Variants in KCNH7 observed in about 807,000 individuals in gnomAD.
KCNH7 encodes voltage-gated inwardly rectifying potassium channel KCNH7.
In KCNH7, 49 loss-of-function variants were observed where a neutral mutation model predicts 120.8. The ratio of observed to expected loss-of-function variants is 0.41; its 90% confidence interval spans 0.32 to 0.51. The LOEUF (loss-of-function observed/expected upper bound fraction) is 0.51, where lower values mean the gene tolerates loss of function less well. Among genes scored for constraint, KCNH7 ranks in the 20% least tolerant of loss-of-function variants. KCNH7 has a pLI of 0.38. For missense variants in KCNH7, 1,097 were observed against 1,446.6 expected, an observed-to-expected ratio of 0.76 and a Z score of 3.92; for synonymous variants, 547 against 516.1, an observed-to-expected ratio of 1.06 and a Z score of -0.81.
intron 2 of KCNH7, among the ~76,000 whole-genome samples, chr2:162,778,999 C>G (rs538018369): frequency 6.9e-6 from 1 of 144,820 alleles, no homozygotes; most frequent in Non-Finnish European, 1.5e-5. Context: ...GTCATTCAAA[C>G]GCAATTTTAG....
chr2:162,545,687 TAG>T (rs749818400), intron 2 of KCNH7, among the ~76,000 whole-genome samples: 1 of 152,176 alleles, frequency 6.6e-6, no homozygotes. Context: ...TAAAATATGA[TAG>T]AGTTTTTCAC....
At chr2:162,642,262 T>G (rs1464113354) in intron 2 of KCNH7, among the ~76,000 whole-genome samples, 1 of 152,208 alleles carries the variant, frequency 6.6e-6, no homozygotes, top group African/African-American at 2.4e-5. Flanking sequence ...ATGTATTGAT[T>G]ATCCCATTTG....
intron 6 of KCNH7, among the ~76,000 whole-genome samples, chr2:162,494,980 T>G (rs1574027622): frequency 1.3e-5 from 2 of 152,338 alleles, no homozygotes; most frequent in Middle Eastern, 6.8e-3. Flanking sequence ...TTTTGAACTA[T>G]TTAGAGCCTT....
At chr2:162,739,034 G>T (rs971196145) in intron 2 of KCNH7, among the ~76,000 whole-genome samples, 3 of 152,104 alleles carry the variant, frequency 2.0e-5, no homozygotes, top group African/African-American at 7.2e-5. Context: ...ACCTGTGCGG[G>T]AGCTCAACTT....
chr2:162,646,976 TA>T (rs1288749806), intron 2 of KCNH7, among the ~76,000 whole-genome samples: 6 of 152,174 alleles, frequency 3.9e-5, no homozygotes, highest in Non-Finnish European at 8.8e-5. Flanking sequence ...CCTGATCTGA[TA>T]ACCTTGTGGT....
intron 2 of KCNH7, among the ~76,000 whole-genome samples, chr2:162,616,435 T>A (rs1473098783): frequency 1.3e-5 from 2 of 152,186 alleles, no homozygotes; most frequent in Non-Finnish European, 2.9e-5. Flanking sequence ...TTTAGAAAAC[T>A]TAGACTTTTA....
chr2:162,745,155 A>G (rs779336063), intron 2 of KCNH7, among the ~76,000 whole-genome samples: 1 of 152,194 alleles, frequency 6.6e-6, no homozygotes, highest in Non-Finnish European at 1.5e-5. Context: ...TGTGAACTTG[A>G]CTAGTAGAGC....
intron 2 of KCNH7, among the ~76,000 whole-genome samples, chr2:162,660,783 T>C (rs1386579038): frequency 1.3e-5 from 2 of 152,224 alleles, no homozygotes; most frequent in African/African-American, 4.8e-5. Flanking sequence ...TACAATGTGT[T>C]AAATCTAACA....
intron 2 of KCNH7, among the ~76,000 whole-genome samples, chr2:162,612,464 G>C (rs1225556932): frequency 2.0e-5 from 3 of 151,858 alleles, no homozygotes; most frequent in African/African-American, 4.8e-5. Context: ...TATTCATATA[G>C]GTTTAAAGTT....
chr2:162,373,728 A>G, intron 14 of KCNH7, 66 bp from the exon 15 acceptor site: 1 of 1,185,130 alleles, frequency 8.4e-7, no homozygotes, highest in Non-Finnish European at 1.1e-6. Flanking sequence ...AGCATTTAAA[A>G]AAATTTCAGC....
intron 2 of KCNH7, among the ~76,000 whole-genome samples, chr2:162,814,563 C>G (rs1684852129): frequency 6.6e-6 from 1 of 152,150 alleles, no homozygotes; most frequent in African/African-American, 2.4e-5. Context: ...ATATGATTCT[C>G]ACACAATAAG....
intron 2 of KCNH7, among the ~76,000 whole-genome samples, chr2:162,639,005 G>A (rs1684056379): frequency 6.6e-6 from 1 of 152,058 alleles, no homozygotes; most frequent in African/African-American, 2.4e-5. Context: ...CTTGTGCATT[G>A]TAGGATGCCT....
At chr2:162,470,400 C>T (rs373811635) in intron 6 of KCNH7, among the ~76,000 whole-genome samples, 4 of 151,472 alleles carry the variant, frequency 2.6e-5, no homozygotes, top group Admixed American at 6.6e-5. Context: ...CCGGCCGCCC[C>T]GTCTGAGAAG....
intron 2 of KCNH7, among the ~76,000 whole-genome samples, chr2:162,645,019 T>C (rs996388631): frequency 6.6e-6 from 1 of 152,178 alleles, no homozygotes; most frequent in Non-Finnish European, 1.5e-5. Context: ...ATTTAACTAG[T>C]GTTTCTCTGC....
chr2:162,558,462 C>A (rs557442007), intron 2 of KCNH7, among the ~76,000 whole-genome samples: 4 of 151,080 alleles, frequency 2.6e-5, no homozygotes, highest in Admixed American at 1.3e-4. Context: ...GCGTGAGCCA[C>A]CGTGCCCGGC....
At chr2:162,398,916 A>G (rs1483576808) in intron 10 of KCNH7, among the ~76,000 whole-genome samples, 1 of 151,894 alleles carries the variant, frequency 6.6e-6, no homozygotes, top group African/African-American at 2.4e-5. Context: ...AAATGTAAAA[A>G]AAAACTAATA....
chr2:162,523,249 A>G (rs536605462), intron 3 of KCNH7, among the ~76,000 whole-genome samples: 1 of 151,802 alleles, frequency 6.6e-6, no homozygotes, highest in South Asian at 2.1e-4. Flanking sequence ...CATACACACA[A>G]TTTTGCTTAT....
At chr2:162,558,503 C>CT (rs71410015) in intron 2 of KCNH7, among the ~76,000 whole-genome samples, 11,757 of 80,506 alleles carry the variant, frequency 0.15, 899 homozygotes, top group Non-Finnish European at 0.18. Context: ...TTCTCAATGG[C>CT]TTTTTTTTTT....
At position 162,623,291 on chromosome 2, in the gene KCNH7, A is replaced by T. The variant is rs377282711; in HGVS notation, c.308-86211T>A. Among the ~76,000 whole-genome samples the T allele has an allele frequency of 5.9e-5, 9 of 152,104 alleles. No homozygotes were observed. In the East Asian group the frequency reaches 1.3e-3, roughly 23 times the overall value. On this transcript the variant is annotated intron_variant, in intron 2 of 15. Transcript: ENST00000332142. The stretch of plus-strand genomic sequence containing the variant: ...TTCTAAAATGTTTATATTTCAAAAA[A>T]CTGTTTGCCTAGAGATACTACATAT...
Sources: gnomAD v4.1 joint callset for allele counts (sites outside exome capture counted in the v4.1 genomes callset) on GRCh38, gnomAD v4.1.1 for gene constraint, MANE v1.5 for transcripts, NCBI Gene and HGNC (gene_info 2026-07-23, HGNC 2026-07-21) for gene names.